Variants in LSS observed in about 807,000 individuals in gnomAD.
LSS encodes lanosterol synthase, also known as 2,3-epoxysqualene-lanosterol cyclase.
Under a neutral mutation model 110.3 loss-of-function variants are expected in LSS, and 90 were observed. The observed-to-expected ratio is 0.82, with a 90% CI of 0.69 to 0.97. LSS has a LOEUF of 0.97. LSS is among the 50% of genes least tolerant of loss of function. The probability of loss-of-function intolerance (pLI) is 0.00; values close to 1 mark genes in which losing one functional copy is unlikely to be tolerated. For synonymous variants in LSS, 433 were observed against 400.0 expected, an observed-to-expected ratio of 1.08 and a Z score of -0.98; for missense variants, 927 against 990.0, an observed-to-expected ratio of 0.94 and a Z score of 0.85.
chr21:46,206,036 G>A, intron 16 of LSS, 95 bp from the exon 17 acceptor site: 5 of 958,776 alleles, frequency 5.2e-6, no homozygotes, highest in Non-Finnish European at 6.4e-6. Context: ...GAGTGTTGCA[G>A]TGAGCCCGGG....
intron 2 of LSS, among the ~76,000 whole-genome samples, chr21:46,228,141 C>T (rs1212701084): frequency 1.3e-5 from 2 of 152,386 alleles, no homozygotes; most frequent in East Asian, 3.9e-4. Flanking sequence ...TGGATCCAAA[C>T]ACTTTTTGTG....
chr21:46,215,040 G>A (rs767927164), intron 9 of LSS, 140 bp downstream of exon 9: 12 of 717,120 alleles, frequency 1.7e-5, no homozygotes, highest in South Asian at 6.5e-5. Context: ...ACACTTGTGC[G>A]ATCAGAGGGC....
chr21:46,210,364 C>A (rs2080113662), intron 12 of LSS, among the ~76,000 whole-genome samples: 1 of 152,106 alleles, frequency 6.6e-6, no homozygotes, highest in African/African-American at 2.4e-5. Flanking sequence ...CCGTGCCTGG[C>A]CCAAGCAGTT....
chr21:46,191,536 C>A (rs1266464251), intron 21 of LSS, among the ~76,000 whole-genome samples: 1 of 152,192 alleles, frequency 6.6e-6, no homozygotes, highest in Non-Finnish European at 1.5e-5. Flanking sequence ...CTCACATGAC[C>A]TCATGACACC....
At position 46,209,706 on chromosome 21, in the gene LSS, C is replaced by A. The variant is rs2080103955; in HGVS notation, c.1195-81G>T. 3.3e-6 allele frequency: 4 copies of A among 1,222,116 alleles called. No homozygotes were observed. Among genetic ancestry groups the A allele is most frequent in the Non-Finnish European group, 4.7e-6 (4 of 849,746 alleles). 75.7% of individuals were successfully genotyped at this position (1,222,116 alleles called of 1,614,324 possible). A position where few individuals can be genotyped will look rare whatever the true frequency, so the allele number is the denominator to read the frequency against. On this transcript the variant is annotated intron_variant, in intron 12 of 21. Transcript: ENST00000397728. This position sits in a 1 kb window ranked among gnomAD's most constrained non-coding sequence, Gnocchi z 4.4. The stretch of plus-strand genomic sequence containing the variant: ...TGCGCTGGTTTCCCGATGGTCCTGG[C>A]CACATCCTGCCCCAACCGGGGACCA...
intron 15 of LSS, 26 bp downstream of exon 15, chr21:46,207,402 C>G (rs200166755): frequency 6.2e-7 from 1 of 1,608,684 alleles, no homozygotes; most frequent in Admixed American, 1.7e-5. Context: ...GAGGTATGGA[C>G]GGGGCTGCTG....
rs1250665908 is a variant in LSS, at chr21:46,216,366, T to G, written c.783+23A>C. ...GGGTCCCAGCCCCAGAGGCCTTCAC[T>G]TTGTTCCCTGATGAGGTCCTACCTG... On this transcript the variant is annotated intron_variant, in intron 7 of 21. Transcript: ENST00000397728. This position sits in a 1 kb window ranked among gnomAD's most constrained non-coding sequence, Gnocchi z 4.2. 6.2e-7 allele frequency: 1 copy of G among 1,613,356 alleles called. No individual in the cohort carries two copies. The highest frequency in any genetic ancestry group is 1.7e-5 in the Admixed American group (1 of 60,020).
At chr21:46,197,251 TGTA>T (rs1258635738) in intron 17 of LSS, among the ~76,000 whole-genome samples, 1 of 152,262 alleles carries the variant, frequency 6.6e-6, no homozygotes, top group African/African-American at 2.4e-5. Flanking sequence ...GAAAGTTTTA[TGTA>T]TTACATTTGC....
At chr21:46,208,386 G>T in intron 13 of LSS, 85 bp from the exon 14 acceptor site, 1 of 1,219,176 alleles carries the variant, frequency 8.2e-7, no homozygotes, top group Non-Finnish European at 1.2e-6. Context: ...AGACAGACTG[G>T]GCAGGACTGG....
rs554478433 is a variant in LSS at position 46,190,103 on chromosome 21, C to T, written c.*1001G>A. ...GGTGCCCTGGGTATATGCCGGGCTC[C>T]CAGGGTGCCATACCTGCCAGCCAGC... is the stretch of plus-strand genomic sequence containing the variant. On this transcript the variant is annotated 3_prime_UTR_variant, in exon 22 of 22. Transcript: ENST00000397728. This position sits in a 1 kb window ranked among gnomAD's most constrained non-coding sequence, Gnocchi z 4.6. The T allele has an allele frequency of 1.8e-4, 43 of 235,796 alleles. 6 individuals carry two copies. The highest frequency in any genetic ancestry group is 1.0e-3 in the African/African-American group (41 of 41,098). The allele number at this position is 235,796 out of a possible 1,614,324, so 14.6% of individuals were successfully genotyped here.
At chr21:46,213,161 C>A in intron 10 of LSS, 109 bp from the exon 11 acceptor site, 1 of 1,053,652 alleles carries the variant, frequency 9.5e-7, no homozygotes. Flanking sequence ...TGTCCCCTCC[C>A]GAGGCCTGGC....
intron 17 of LSS, among the ~76,000 whole-genome samples, chr21:46,199,123 G>T (rs373037551): frequency 5.7e-4 from 86 of 152,192 alleles, no homozygotes; most frequent in Non-Finnish European, 1.0e-3. Context: ...GAAAATATTT[G>T]CGAAAGACAT....
intron 17 of LSS, among the ~76,000 whole-genome samples, chr21:46,201,755 G>A (rs2079980286): frequency 6.6e-6 from 1 of 151,772 alleles, no homozygotes; most frequent in South Asian, 2.1e-4. Context: ...AAAGTAACTT[G>A]CAACTCCAAA....
intron 4 of LSS, 42 bp downstream of exon 4, chr21:46,222,588 A>T: frequency 6.5e-7 from 1 of 1,543,556 alleles, no homozygotes; most frequent in East Asian, 2.2e-5. Flanking sequence ...ATGAGAACAC[A>T]CACATGCACA....
rs1378768143 is a variant in LSS, at chr21:46,191,112, GGCCA to G, written c.2187_2190del (p.Gly730ThrfsTer30). The stretch of plus-strand genomic sequence containing the variant: ...AGCAGGTAGGCATGTTCTCAGGGGT[GGCCA>G]GCAAGGGCTCTCTCAGGGTACAGCT... On this transcript the variant is annotated frameshift_variant, in exon 22 of 22. Coordinates refer to ENST00000397728, the MANE Select transcript of LSS (RefSeq NM_002340.6). LOFTEE classifies it high-confidence loss of function. 2.5e-6 allele frequency: 4 copies of G among 1,614,142 alleles called. No individual in the cohort carries two copies. The highest frequency in any genetic ancestry group is 1.3e-5 in the African/African-American group (1 of 75,052).
At position 46,227,653 on chromosome 21, in the gene LSS, G is replaced by A; in HGVS notation, c.218C>T (p.Ala73Val). ...YFKDLPKAHTAFEGALNGMTF... is the reference protein window; with the variant it reads ...YFKDLPKAHTVFEGALNGMTF... ...CATCCCGTTCAGAGCCCCCTCAAAG[G>A]CGGTGTGGGCTTTGGGCAAGTCCTT... Residue 73 changes from alanine (A) to valine (V), a missense_variant, in exon 3 of 22, where the codon GCC becomes GTC. Physicochemically the swap from Ala to Val is moderately conservative, Grantham distance 64 (BLOSUM62 0). Coordinates refer to ENST00000397728, the MANE Select transcript of LSS (RefSeq NM_002340.6). 4 of 1,613,696 alleles carry A rather than the reference G, an allele frequency of 2.5e-6. No individual in the cohort carries two copies. Among genetic ancestry groups the A allele is most frequent in the Non-Finnish European group, 3.4e-6 (4 of 1,179,982 alleles).
intron 9 of LSS, 79 bp from the exon 10 acceptor site, chr21:46,213,914 C>T: frequency 1.0e-6 from 1 of 964,498 alleles, no homozygotes. Context: ...TCCAGATCCA[C>T]AGCAGCCCCC....
intron 6 of LSS, among the ~76,000 whole-genome samples, chr21:46,218,367 G>A (rs1248622166): frequency 2.0e-5 from 3 of 151,826 alleles, no homozygotes; most frequent in Admixed American, 2.0e-4. Flanking sequence ...AGTGGCTCAT[G>A]GCTCCCAGCA....
intron 18 of LSS, 57 bp downstream of exon 18, chr21:46,196,145 G>C (rs1440174501): frequency 9.8e-6 from 15 of 1,530,850 alleles, no homozygotes; most frequent in Non-Finnish European, 1.4e-5. Flanking sequence ...CAGTGTGTGA[G>C]AGCAGAAACC....
Sources: allele counts gnomAD v4.1 joint callset (sites outside exome capture counted in the v4.1 genomes callset), GRCh38; gene constraint gnomAD v4.1.1; non-coding constraint Gnocchi (gnomAD v3.1); transcripts MANE v1.5; gene names NCBI Gene and HGNC (gene_info 2026-07-23, HGNC 2026-07-21).